The following CARF variants were observed in gnomAD, a reference collection of about 807,000 sequenced individuals.
CARF encodes calcium responsive transcription factor.
A neutral mutation model predicts 82.0 loss-of-function variants in CARF; 57 were observed. The observed-to-expected ratio is 0.70, with a 90% CI of 0.56 to 0.87. The LOEUF (loss-of-function observed/expected upper bound fraction) is 0.87. Among genes scored for constraint, CARF ranks in the 40% least tolerant of loss-of-function variants. The pLI, the probability that CARF is intolerant of heterozygous loss-of-function variation, is 0.00. For missense variants in CARF, 771 were observed against 855.8 expected, an observed-to-expected ratio of 0.90 and a Z score of 1.24; for synonymous variants, 268 against 290.1, an observed-to-expected ratio of 0.92 and a Z score of 0.77.
At chr2:202,977,124 G>A in intron 13 of CARF, 145 bp from the exon 14 acceptor site, 1 of 631,194 alleles carries the variant, frequency 1.6e-6, no homozygotes, top group Non-Finnish European at 2.8e-6. Flanking sequence ...AAGTATACTT[G>A]TGCTTGAAGA....
At chr2:202,949,478 A>G (rs1394289358) in intron 5 of CARF, among the ~76,000 whole-genome samples, 1 of 148,584 alleles carries the variant, frequency 6.7e-6, no homozygotes, top group Admixed American at 6.8e-5. Context: ...TTAAAGAAAT[A>G]TACCTTCCTT....
At chr2:202,972,565 T>G (rs1017370881) in intron 12 of CARF, among the ~76,000 whole-genome samples, 4 of 151,630 alleles carry the variant, frequency 2.6e-5, no homozygotes, top group African/African-American at 9.7e-5. Flanking sequence ...TAGTCCCAGC[T>G]TCTCGGGAGG....
intron 3 of CARF, among the ~76,000 whole-genome samples, chr2:202,933,678 GTA>G (rs1693393674): frequency 2.0e-5 from 3 of 152,144 alleles, no homozygotes; most frequent in Admixed American, 2.0e-4. Context: ...TTGTTAAAAT[GTA>G]GTTGTTTATT....
intron 3 of CARF, among the ~76,000 whole-genome samples, chr2:202,932,420 A>G (rs1292512859): frequency 6.6e-6 from 1 of 152,062 alleles, no homozygotes; most frequent in Non-Finnish European, 1.5e-5. Context: ...CCAGGGAGCT[A>G]GGTTGTAGCT....
In CARF at chr2:202,918,371, AT is replaced by A. The variant is rs1470333550; in HGVS notation, c.-163+330del. 5.3e-5 allele frequency among the ~76,000 whole-genome samples: 8 copies of A among 152,094 alleles called. No homozygotes were observed. The East Asian group carries it at 1.5e-3, about 29-fold the overall frequency. ...CCGTCTCTACTAAAATACAAAAAAA[AT>A]TAGCCGGGCATGGTGGCGGGCGCCT... is the stretch of plus-strand genomic sequence containing the variant. On this transcript the variant is annotated intron_variant, in intron 2 of 16. Coordinates refer to ENST00000438828, the MANE Select transcript of CARF (RefSeq NM_024744.17).
In CARF at chr2:202,941,870, A is replaced by G; in HGVS notation, c.-33A>G. On this transcript the variant is annotated 5_prime_UTR_variant, in exon 4 of 17. Coordinates refer to ENST00000438828, the MANE Select transcript of CARF (RefSeq NM_024744.17). ...TTTAAACTCTTTCAGCTATTAAATA[A>G]TAGAAGAAAATGGAATTGAATATGA... The G allele has an allele frequency of 6.5e-7, 1 of 1,546,826 alleles. No homozygotes were observed. The highest frequency in any genetic ancestry group is 8.9e-7 in the Non-Finnish European group (1 of 1,120,778).
At chr2:202,938,108 T>C (rs1694245944) in intron 3 of CARF, among the ~76,000 whole-genome samples, 1 of 152,194 alleles carries the variant, frequency 6.6e-6, no homozygotes. Flanking sequence ...AACAATCCAA[T>C]TATACTCTTT....
At position 202,967,101 on chromosome 2, in the gene CARF, A is replaced by G. The variant is rs1473202787; in HGVS notation, c.953+3A>G. The G allele has an allele frequency of 2.4e-5, 39 of 1,610,404 alleles. No individual in the cohort carries two copies. The highest frequency in any genetic ancestry group is 3.1e-5 in the Non-Finnish European group (37 of 1,179,158). ...TACAAAGCCACTTGTCCAGCTCGGTAAGCTTTATTTTCTTTTATTTGTTTT... is the reference window on the plus strand; with the variant it reads ...TACAAAGCCACTTGTCCAGCTCGGTGAGCTTTATTTTCTTTTATTTGTTTT... On this transcript the variant is annotated splice_donor_region_variant and intron_variant, in intron 10 of 16. Transcript: ENST00000438828.
At chr2:202,943,026 C>T (rs370013702) in intron 5 of CARF, 59 bp downstream of exon 5, 9 of 1,250,320 alleles carry the variant, frequency 7.2e-6, no homozygotes, top group Non-Finnish European at 1.0e-5. Context: ...ATTAGTCTTA[C>T]TAAATGACCT....
intron 2 of CARF, among the ~76,000 whole-genome samples, chr2:202,918,704 G>C (rs531253477): frequency 2.0e-5 from 3 of 152,138 alleles, no homozygotes; most frequent in Non-Finnish European, 4.4e-5. Flanking sequence ...ATTGATGGAA[G>C]AAAGGAGGAA....
At chr2:202,939,680 TTTTTC>T (rs1221451945) in intron 3 of CARF, among the ~76,000 whole-genome samples, 12 of 147,360 alleles carry the variant, frequency 8.1e-5, no homozygotes, top group Admixed American at 1.4e-4. Context: ...CCATTGCCTT[TTTTTC>T]TTTTTTTTTT....
rs2060481530 is a variant in CARF, at chr2:202,987,279, T to C, written c.*3655T>C. Among the ~76,000 whole-genome samples, 1 of 151,142 alleles carries C rather than the reference T, an allele frequency of 6.6e-6. No individual in the cohort carries two copies. The highest frequency in any genetic ancestry group is 1.5e-5 in the Non-Finnish European group (1 of 67,754). ...CCGATGTTTTGGCACCATGACATTT[T>C]CAAGTATAGCTTTATATTTTAGGAG... On this transcript the variant is annotated 3_prime_UTR_variant, in exon 17 of 17. Transcript: ENST00000438828.
At chr2:202,981,180 G>C (rs2060248367) in intron 14 of CARF, among the ~76,000 whole-genome samples, 1 of 152,174 alleles carries the variant, frequency 6.6e-6, no homozygotes, top group Non-Finnish European at 1.5e-5. Flanking sequence ...TGGAGAGTTG[G>C]GGGGATGGTT....
chr2:202,942,240 G>A (rs1293622693), intron 4 of CARF, among the ~76,000 whole-genome samples: 1 of 151,970 alleles, frequency 6.6e-6, no homozygotes. Flanking sequence ...TGGGCGTGGT[G>A]GTGGGTGCCT....
chr2:202,916,339 C>T lies in CARF; in HGVS notation c.-329-1538C>T, dbSNP rs184843159. Among the ~76,000 whole-genome samples, 3 of 152,198 alleles carry T rather than the reference C, an allele frequency of 2.0e-5. No homozygotes were observed. The East Asian group carries it at 5.8e-4, about 29-fold the overall frequency. On this transcript the variant is annotated intron_variant, in intron 1 of 16. Coordinates refer to ENST00000438828, the MANE Select transcript of CARF (RefSeq NM_024744.17). The stretch of plus-strand genomic sequence containing the variant: ...AGGACTATAGGTGCGCACCACCACA[C>T]CTAGCTAACTTTTTTGTATTTTTAG...
chr2:202,944,877 T>G (rs2058417295), intron 5 of CARF, among the ~76,000 whole-genome samples: 1 of 152,094 alleles, frequency 6.6e-6, no homozygotes, highest in African/African-American at 2.4e-5. Context: ...CGAGCAAAAT[T>G]GTTTATTTGA....
At chr2:202,935,665 T>G (rs1693815193) in intron 3 of CARF, among the ~76,000 whole-genome samples, 1 of 152,098 alleles carries the variant, frequency 6.6e-6, no homozygotes, top group South Asian at 2.1e-4. Flanking sequence ...GTTCCGGTGA[T>G]CCACCCACCT....
At chr2:202,959,882 G>C (rs986953753) in intron 8 of CARF, among the ~76,000 whole-genome samples, 10 of 151,278 alleles carry the variant, frequency 6.6e-5, no homozygotes, top group African/African-American at 2.4e-4. Context: ...GTTGTATATA[G>C]ATAATATCAA....
In CARF at chr2:202,941,897, G is replaced by A. The variant is rs368948266; in HGVS notation, c.-6G>A. ...AGAAGAAAATGGAATTGAATATGAT[G>A]TCAGCATGGAACAATCTAATGATTC... On this transcript the variant is annotated 5_prime_UTR_variant, in exon 4 of 17. An upstream start codon of the reference 5' UTR is lost. Transcript: ENST00000438828. 470 of 1,609,212 alleles carry A rather than the reference G, an allele frequency of 2.9e-4. 1 individual carries two copies. The highest frequency in any genetic ancestry group is 3.8e-4 in the Non-Finnish European group (450 of 1,176,284).
Sources: allele counts gnomAD v4.1 joint callset (sites outside exome capture counted in the v4.1 genomes callset), GRCh38; gene constraint gnomAD v4.1.1; transcripts MANE v1.5; gene names NCBI Gene and HGNC (gene_info 2026-07-23, HGNC 2026-07-21).